The following WDR59 variants were observed in gnomAD, a reference collection of about 807,000 sequenced individuals.
WDR59 encodes WD repeat domain 59.
Under a neutral mutation model 131.2 loss-of-function variants are expected in WDR59, and 100 were observed. That is an observed-to-expected ratio of 0.76 (90% CI 0.65 to 0.90). The LOEUF (loss-of-function observed/expected upper bound fraction) is 0.90. WDR59 is among the 40% of genes least tolerant of loss of function. The pLI, the probability that WDR59 is intolerant of heterozygous loss-of-function variation, is 0.00. For synonymous variants in WDR59, 601 were observed against 466.2 expected (o/e 1.29, Z -3.72); for missense variants, 1,203 against 1,262.2 (o/e 0.95, Z 0.71).
At chr16:74,962,285 T>A (rs1249547940) in intron 2 of WDR59, among the ~76,000 whole-genome samples, 1 of 152,158 alleles carries the variant, frequency 6.6e-6, no homozygotes, top group Non-Finnish European at 1.5e-5. Context: ...CTTTTTGGGT[T>A]CCGTATGAAT....
At chr16:74,934,725 A>G (rs138788691) in intron 8 of WDR59, among the ~76,000 whole-genome samples, 146 of 152,340 alleles carry the variant, frequency 9.6e-4, no homozygotes, top group African/African-American at 3.5e-3. Context: ...AAGCAGGAAG[A>G]CTGCTTGAGC....
chr16:74,966,205 C>T (rs1037647153), intron 1 of WDR59, among the ~76,000 whole-genome samples: 22 of 152,050 alleles, frequency 1.4e-4, no homozygotes, highest in African/African-American at 4.8e-4. Flanking sequence ...ACAGGCTGGG[C>T]GGGGTGGCTC....
At chr16:74,945,953 G>C (rs1005290182) in intron 6 of WDR59, among the ~76,000 whole-genome samples, 4 of 151,720 alleles carry the variant, frequency 2.6e-5, no homozygotes, top group Non-Finnish European at 5.9e-5. Context: ...AAGAAGCTGA[G>C]ATTACAGGCA....
At chr16:74,961,279 C>G (rs941925859) in intron 2 of WDR59, among the ~76,000 whole-genome samples, 1 of 152,002 alleles carries the variant, frequency 6.6e-6, no homozygotes, top group African/African-American at 2.4e-5. Context: ...CCAGCCTAGG[C>G]AACAGAGTGA....
chr16:74,899,589 G>C (rs1965451107), intron 18 of WDR59: 4 of 910,378 alleles, frequency 4.4e-6, no homozygotes, highest in Non-Finnish European at 6.1e-6. Flanking sequence ...CCTGAAAACA[G>C]CTCGCCTGTC....
chr16:74,917,904 C>T, intron 11 of WDR59, 25 bp downstream of exon 11: 2 of 1,597,570 alleles, frequency 1.3e-6, no homozygotes, highest in Non-Finnish European at 1.7e-6. Flanking sequence ...AGGTACATTT[C>T]TCCACAATAG....
chr16:74,970,588 C>T (rs1597813376), intron 1 of WDR59, among the ~76,000 whole-genome samples: 1 of 150,660 alleles, frequency 6.6e-6, no homozygotes, highest in Admixed American at 6.7e-5. Context: ...CTTTCTCTGC[C>T]CCTGCATCAC....
In WDR59 at chr16:74,893,761, G is replaced by A; in HGVS notation, c.1918C>T (p.Gln640Ter). 6.2e-7 allele frequency: 1 copy of A among 1,614,178 alleles called. No homozygotes were observed. Among genetic ancestry groups the A allele is most frequent in the Non-Finnish European group, 8.5e-7 (1 of 1,180,018 alleles). ...KREGSDSGNR[Q>*]IKAAGKVIIQ... is the part of the protein sequence containing the mutation. ...ATGACTTTCCCAGCAGCCTTGATCTGTCGATTGCCAGAGTCTGATCCCTCA... is the reference window on the plus strand; with the variant it reads ...ATGACTTTCCCAGCAGCCTTGATCTATCGATTGCCAGAGTCTGATCCCTCA... The change falls in exon 19 of 26, where the codon CAG becomes TAG. Residue 640 changes from glutamine (Q) to a stop codon, truncating the protein, a stop_gained. Transcript: ENST00000262144. LOFTEE classifies it high-confidence loss of function.
chr16:74,944,205 C>T (rs1286266831), intron 6 of WDR59, among the ~76,000 whole-genome samples: 1 of 152,082 alleles, frequency 6.6e-6, no homozygotes, highest in Non-Finnish European at 1.5e-5. Context: ...GTGGCTTGCA[C>T]CTATAATCCC....
chr16:74,949,669 G>A, intron 5 of WDR59, 49 bp downstream of exon 5: 1 of 1,556,040 alleles, frequency 6.4e-7, no homozygotes, highest in Non-Finnish European at 8.8e-7. Flanking sequence ...TAAAACAAAG[G>A]TCCCAAATCA....
chr16:74,981,842 G>C (rs2034442738), intron 1 of WDR59, among the ~76,000 whole-genome samples: 1 of 140,946 alleles, frequency 7.1e-6, no homozygotes, highest in African/African-American at 2.6e-5. Context: ...CTTTAGTAGA[G>C]ATAGGGTTTC....
Position 74,981,633 on chromosome 16 carries a change from T to TAC in WDR59, c.54+3330_54+3331insGT, listed in dbSNP as rs2034414385. On this transcript the variant is annotated intron_variant, in intron 1 of 25. Transcript: ENST00000262144. ...ATTTACATATATATATATATATATA[T>TAC]ATATATATATATATATATATATATA... 4.8e-3 allele frequency among the ~76,000 whole-genome samples: 84 copies of TAC among 17,530 alleles called. 2 individuals are homozygous for TAC. The highest frequency in any genetic ancestry group is 0.016 in the African/African-American group (81 of 5,000). The allele number at this position is 17,530 out of a possible 152,430, so 11.5% of individuals were successfully genotyped here. A position where few individuals can be genotyped will look rare whatever the true frequency, so the allele number is the denominator to read the frequency against.
At chr16:74,884,576 G>C (rs370555361) in intron 25 of WDR59, among the ~76,000 whole-genome samples, 8 of 152,302 alleles carry the variant, frequency 5.3e-5, no homozygotes, top group African/African-American at 1.9e-4. Context: ...TCAAACCCCT[G>C]GCCTCAAGTG....
rs139058328 is a variant in WDR59 at position 74,972,270 on chromosome 16, C to T, written c.55-6448G>A. Among the ~76,000 whole-genome samples the T allele has an allele frequency of 2.1e-3, 313 of 152,154 alleles. 1 individual carries two copies. Among genetic ancestry groups the T allele is most frequent in the African/African-American group, 6.7e-3 (277 of 41,526 alleles). ...TGGAGTAAATATAATAATTTGGAAACGTCAAGCTAACTGATGGCTAATGAA... is the reference window on the plus strand; with the variant it reads ...TGGAGTAAATATAATAATTTGGAAATGTCAAGCTAACTGATGGCTAATGAA... On this transcript the variant is annotated intron_variant, in intron 1 of 25. Transcript: ENST00000262144.
chr16:74,885,448 C>CAAAAAAAAA (rs397855343), intron 25 of WDR59, among the ~76,000 whole-genome samples: 5 of 62,382 alleles, frequency 8.0e-5, no homozygotes, highest in Non-Finnish European at 1.1e-4. Flanking sequence ...GATTCCATCT[C>CAAAAAAAAA]AAAAAAAAAA....
At chr16:74,933,129 C>T (rs1399747086) in intron 8 of WDR59, among the ~76,000 whole-genome samples, 2 of 151,910 alleles carry the variant, frequency 1.3e-5, no homozygotes, top group Non-Finnish European at 2.9e-5. Flanking sequence ...ATAGCAAGAC[C>T]CTACCTCTAC....
chr16:74,944,463 C>CAAAA (rs527514875), intron 6 of WDR59, among the ~76,000 whole-genome samples: 1 of 93,106 alleles, frequency 1.1e-5, no homozygotes, highest in Non-Finnish European at 2.3e-5. Flanking sequence ...AAGACTGTCT[C>CAAAA]AAAAAAAAAA....
At chr16:74,966,517 A>C (rs560600777) in intron 1 of WDR59, among the ~76,000 whole-genome samples, 9 of 152,210 alleles carry the variant, frequency 5.9e-5, no homozygotes, top group African/African-American at 2.2e-4. Flanking sequence ...AAGAGACAGA[A>C]GTCCTGGAGC....
At chr16:74,930,643 A>G (rs1480459642) in intron 8 of WDR59, 1 of 152,052 alleles carries the variant, frequency 6.6e-6, no homozygotes, top group East Asian at 1.9e-4. Flanking sequence ...CTGTAACCCC[A>G]CTACTTTGGG....
Sources: allele counts gnomAD v4.1 joint callset (sites outside exome capture counted in the v4.1 genomes callset), GRCh38; gene constraint gnomAD v4.1.1; transcripts MANE v1.5; gene names NCBI Gene and HGNC (gene_info 2026-07-23, HGNC 2026-07-21).